Variants in FILIP1L observed in about 807,000 individuals in gnomAD.
FILIP1L encodes filamin A-interacting protein 1-like.
A neutral mutation model predicts 96.6 loss-of-function variants in FILIP1L; 55 were observed. The observed-to-expected ratio is 0.57, with a 90% CI of 0.46 to 0.71. FILIP1L has a LOEUF of 0.71. Among genes scored for constraint, FILIP1L ranks in the 30% least tolerant of loss-of-function variants. The pLI is 0.00. For missense variants in FILIP1L, 1,304 were observed against 1,321.2 expected (o/e 0.99, Z 0.20); for synonymous variants, 467 against 473.9 (o/e 0.99, Z 0.19).
At chr3:99,899,955 C>T (rs564909830) in intron 4 of FILIP1L, among the ~76,000 whole-genome samples, 23 of 152,238 alleles carry the variant, frequency 1.5e-4, no homozygotes, top group African/African-American at 4.8e-4. Flanking sequence ...GTGCTAAATA[C>T]GGTGTTCTGG....
intron 1 of FILIP1L, among the ~76,000 whole-genome samples, chr3:100,101,874 G>A (rs2066313061): frequency 6.6e-6 from 1 of 152,050 alleles, no homozygotes; most frequent in Non-Finnish European, 1.5e-5. Context: ...TGCAGTGTTT[G>A]GTTTTTTGTC....
intron 1 of FILIP1L, among the ~76,000 whole-genome samples, chr3:99,942,017 C>T (rs1013543975): frequency 6.6e-6 from 1 of 152,074 alleles, no homozygotes; most frequent in Non-Finnish European, 1.5e-5. Flanking sequence ...GAGATCTAGA[C>T]CATCCTGGCT....
At chr3:100,016,026 G>A (rs1191982099) in intron 1 of FILIP1L, among the ~76,000 whole-genome samples, 1 of 152,024 alleles carries the variant, frequency 6.6e-6, no homozygotes, top group African/African-American at 2.4e-5. Context: ...AACATGTGCT[G>A]ACCATAATTT....
chr3:99,889,494 G>A (rs983548056), intron 4 of FILIP1L, among the ~76,000 whole-genome samples: 2 of 151,866 alleles, frequency 1.3e-5, no homozygotes, highest in African/African-American at 2.4e-5. Context: ...ATAACGTATA[G>A]CTAGGAATTA....
In FILIP1L at chr3:99,930,996, C is replaced by T. The variant is rs200315201; in HGVS notation, c.25G>A (p.Glu9Lys). The T allele has an allele frequency of 5.8e-5, 94 of 1,613,492 alleles. No individual in the cohort carries two copies. The highest frequency in any genetic ancestry group is 5.1e-4 in the African/African-American group (38 of 74,714). ...GGAAATTTCTTTTGGGCTGAGCCCT[C>T]GGTATCACTGCCTCTGGAACGCATT... The part of the protein sequence containing the change: MRSRGSDT[E>K]GSAQKKFPRH... The change falls in exon 2 of 6, where the codon GAG becomes AAG. Residue 9 changes from glutamate (E) to lysine (K), a missense_variant. Physicochemically the swap from Glu to Lys is moderately conservative, Grantham distance 56. Coordinates refer to ENST00000477258, the MANE Select transcript of FILIP1L (RefSeq NM_001387850.1).
chr3:100,102,327 A>G (rs1011012546), intron 1 of FILIP1L, among the ~76,000 whole-genome samples: 2 of 152,076 alleles, frequency 1.3e-5, no homozygotes, highest in African/African-American at 2.4e-5. Flanking sequence ...CTGGTATGAG[A>G]TGGTATCTCA....
chr3:99,915,522 G>A (rs1349338479), intron 4 of FILIP1L, among the ~76,000 whole-genome samples: 1 of 152,036 alleles, frequency 6.6e-6, no homozygotes, highest in African/African-American at 2.4e-5. Flanking sequence ...GTTCAGTCTT[G>A]ATTTCGCATA....
intron 4 of FILIP1L, among the ~76,000 whole-genome samples, chr3:99,915,247 A>G (rs772234077): frequency 3.1e-4 from 47 of 152,222 alleles, no homozygotes; most frequent in Non-Finnish European, 4.7e-4. Flanking sequence ...ATGGAAAATA[A>G]TAGATTAAAA....
At chr3:99,997,014 G>C (rs1412467194) in intron 1 of FILIP1L, among the ~76,000 whole-genome samples, 1 of 152,176 alleles carries the variant, frequency 6.6e-6, no homozygotes, top group East Asian at 1.9e-4. Flanking sequence ...TAAATGGAAA[G>C]TTTATAGCAT....
At chr3:99,845,011 A>AT (rs747625452) in intron 5 of FILIP1L, among the ~76,000 whole-genome samples, 5 of 152,316 alleles carry the variant, frequency 3.3e-5, no homozygotes, top group Non-Finnish European at 5.9e-5. Context: ...TTATAGCAGT[A>AT]TAAAAATGGA....
intron 1 of FILIP1L, among the ~76,000 whole-genome samples, chr3:100,014,677 T>C (rs1422512909): frequency 6.6e-6 from 1 of 152,012 alleles, no homozygotes; most frequent in African/African-American, 2.4e-5. Context: ...TTTAATTGGG[T>C]TGTTTATTTT....
intron 1 of FILIP1L, among the ~76,000 whole-genome samples, chr3:100,070,868 C>G (rs372369155): frequency 1.3e-5 from 2 of 152,112 alleles, no homozygotes; most frequent in Admixed American, 1.3e-4. Flanking sequence ...TGACTTCAGG[C>G]GATCTGCCTG....
chr3:99,978,589 G>A (rs975676051), intron 1 of FILIP1L, among the ~76,000 whole-genome samples: 5 of 152,190 alleles, frequency 3.3e-5, no homozygotes, highest in East Asian at 3.8e-4. Context: ...TAAAAAAGTC[G>A]ATCTCATAGA....
rs1162576919 is a variant in FILIP1L, at chr3:100,030,509, C to A, written c.-11+83544G>T. Reference sequence around the variant, plus strand: ...TGCTCATTCTCATTCATGCATGTCTCATCTACTCTAGTCTTTTCTCAGAAC... The same window carrying A: ...TGCTCATTCTCATTCATGCATGTCTAATCTACTCTAGTCTTTTCTCAGAAC... On this transcript the variant is annotated intron_variant, in intron 1 of 5. Transcript: ENST00000477258. Among the ~76,000 whole-genome samples, 6 of 152,170 alleles carry A rather than the reference C, an allele frequency of 3.9e-5. No individual in the cohort carries two copies. In the East Asian group the frequency reaches 1.2e-3, roughly 29 times the overall value.
At chr3:99,862,856 C>T (rs1040702178) in intron 4 of FILIP1L, among the ~76,000 whole-genome samples, 3 of 152,324 alleles carry the variant, frequency 2.0e-5, no homozygotes, top group Admixed American at 2.0e-4. Flanking sequence ...AGCTCTTCTC[C>T]CTTCCTGGAA....
intron 1 of FILIP1L, among the ~76,000 whole-genome samples, chr3:100,069,089 C>CAAGTT (rs1438661663): frequency 2.0e-5 from 3 of 152,182 alleles, no homozygotes; most frequent in Admixed American, 2.0e-4. Flanking sequence ...TCATACAAGT[C>CAAGTT]TGGTGCCTCA....
At chr3:100,067,075 A>G (rs2065678759) in intron 1 of FILIP1L, among the ~76,000 whole-genome samples, 1 of 152,210 alleles carries the variant, frequency 6.6e-6, no homozygotes, top group African/African-American at 2.4e-5. Flanking sequence ...GTTAACTGTC[A>G]CAGGGCCACT....
intron 1 of FILIP1L, chr3:100,025,511 G>A (rs967800593): frequency 1.3e-5 from 2 of 152,108 alleles, no homozygotes; most frequent in Non-Finnish European, 2.9e-5. Flanking sequence ...AAAACCATTA[G>A]GATGAATACG....
At chr3:99,853,967 C>T (rs988859734) in intron 4 of FILIP1L, among the ~76,000 whole-genome samples, 20 of 152,122 alleles carry the variant, frequency 1.3e-4, no homozygotes. Context: ...CAGTTGCTTG[C>T]GTGTAATGCT....
Sources: allele counts gnomAD v4.1 joint callset (sites outside exome capture counted in the v4.1 genomes callset), GRCh38; gene constraint gnomAD v4.1.1; transcripts MANE v1.5; gene names NCBI Gene and HGNC (gene_info 2026-07-23, HGNC 2026-07-21).